The following CFAP61 variants were observed in gnomAD, a reference collection of about 807,000 sequenced individuals.
CFAP61 encodes cilia- and flagella-associated protein 61.
In CFAP61, 107 loss-of-function variants were observed where a neutral mutation model predicts 135.6. The ratio of observed to expected loss-of-function variants is 0.79; its 90% CI spans 0.67 to 0.93. The LOEUF is 0.93. Ranked by LOEUF, CFAP61 falls within the 40% of genes least tolerant of loss-of-function variation. The pLI is 0.00. For synonymous variants in CFAP61, 575 were observed against 578.5 expected (o/e 0.99, Z 0.09); for missense variants, 1,507 against 1,556.2 (o/e 0.97, Z 0.53).
rs201326875 is a variant in CFAP61 at position 20,328,584 on chromosome 20, C to CA, written c.3423-13238dup. On this transcript the variant is annotated intron_variant, in intron 25 of 26. Coordinates refer to ENST00000245957, the MANE Select transcript of CFAP61 (RefSeq NM_015585.4). ...TTCTGCACAACAAAGGAAACAATTT[C>CA]AAAAAAAAAGGCAACCTATGAAATG... Among the ~76,000 whole-genome samples the CA allele has an allele frequency of 7.6e-4, 113 of 149,192 alleles. 3 individuals are homozygous for CA. Among genetic ancestry groups the CA allele is most frequent in the African/African-American group, 2.3e-3 (94 of 40,670 alleles).
At chr20:20,260,335 C>T (rs899740496) in intron 20 of CFAP61, among the ~76,000 whole-genome samples, 2 of 152,212 alleles carry the variant, frequency 1.3e-5, no homozygotes, top group African/African-American at 4.8e-5. Flanking sequence ...CTGCTAGAAG[C>T]TTCCATTCAA....
intron 18 of CFAP61, among the ~76,000 whole-genome samples, chr20:20,231,061 C>T (rs1485565889): frequency 1.3e-5 from 2 of 152,162 alleles, no homozygotes; most frequent in African/African-American, 2.4e-5. Context: ...CTTCAAAGGA[C>T]ACCAAAAGCA....
chr20:20,133,142 T>G (rs373256345), intron 8 of CFAP61, among the ~76,000 whole-genome samples: 2 of 152,356 alleles, frequency 1.3e-5, no homozygotes. Context: ...AGAATCAGCC[T>G]CAAGATTTTG....
At chr20:20,225,562 C>T (rs558265872) in intron 17 of CFAP61, 24 of 152,220 alleles carry the variant, frequency 1.6e-4, no homozygotes, top group East Asian at 1.4e-3. Context: ...CTTTGTATCA[C>T]GGATAGAGGA....
chr20:20,302,108 T>C (rs1344605291), intron 25 of CFAP61, among the ~76,000 whole-genome samples: 1 of 152,232 alleles, frequency 6.6e-6, no homozygotes, highest in Non-Finnish European at 1.5e-5. Flanking sequence ...CAACTTTTGT[T>C]TGATATGATC....
chr20:20,265,598 G>A (rs1286741272), intron 21 of CFAP61: 3 of 727,118 alleles, frequency 4.1e-6, no homozygotes, highest in Non-Finnish European at 7.6e-6. Context: ...GAAGTATGTG[G>A]AAATTAGTTT....
intron 9 of CFAP61, among the ~76,000 whole-genome samples, chr20:20,156,318 C>T (rs1056729843): frequency 6.6e-6 from 1 of 152,112 alleles, no homozygotes; most frequent in Non-Finnish European, 1.5e-5. Context: ...ATGTTTATCT[C>T]ATAAATATAT....
At position 20,211,140 on chromosome 20, in the gene CFAP61, C is replaced by G. The variant is rs529193914; in HGVS notation, c.1932+11238C>G. On this transcript the variant is annotated intron_variant, in intron 17 of 26. Transcript: ENST00000245957. ...GAGTTTGGTTATCTTTATTTGCACA[C>G]TCATCAAATCCAGAGGGAAAATGGC... 5.9e-5 allele frequency among the ~76,000 whole-genome samples: 9 copies of G among 152,294 alleles called. No individual in the cohort carries two copies. The South Asian group carries it at 1.7e-3, about 28-fold the overall frequency.
chr20:20,119,588 T>A (rs1344280196), intron 8 of CFAP61, among the ~76,000 whole-genome samples: 1 of 152,206 alleles, frequency 6.6e-6, no homozygotes, highest in African/African-American at 2.4e-5. Flanking sequence ...TATTTTTTGG[T>A]CTCAATTTCA....
chr20:20,247,486 C>T (rs2050552848), intron 19 of CFAP61, among the ~76,000 whole-genome samples: 1 of 152,208 alleles, frequency 6.6e-6, no homozygotes, highest in Non-Finnish European at 1.5e-5. Context: ...TGGCTCAGAT[C>T]ACATCGCCTC....
At chr20:20,329,792 G>A (rs2057913461) in intron 25 of CFAP61, among the ~76,000 whole-genome samples, 1 of 152,212 alleles carries the variant, frequency 6.6e-6, no homozygotes, top group Admixed American at 6.5e-5. Context: ...CCCGGGCCTG[G>A]TTTCCCTTGC....
chr20:20,067,865 G>C (rs1319289934), intron 2 of CFAP61, among the ~76,000 whole-genome samples: 4 of 149,126 alleles, frequency 2.7e-5, no homozygotes, highest in Admixed American at 6.8e-5. Flanking sequence ...CTGTGCTATG[G>C]GGGACCTAGT....
chr20:20,062,819 G>T (rs963829038), intron 2 of CFAP61, among the ~76,000 whole-genome samples: 1 of 152,112 alleles, frequency 6.6e-6, no homozygotes, highest in African/African-American at 2.4e-5. Context: ...CACCCACAAG[G>T]GCTGGAGAGA....
chr20:20,250,073 C>T (rs894193416), intron 19 of CFAP61, among the ~76,000 whole-genome samples: 4 of 152,136 alleles, frequency 2.6e-5, no homozygotes, highest in Non-Finnish European at 5.9e-5. Context: ...TTTCACAGAG[C>T]CCTTTCACAG....
chr20:20,211,757 T>C (rs191345174), intron 17 of CFAP61, among the ~76,000 whole-genome samples: 1 of 152,332 alleles, frequency 6.6e-6, no homozygotes, highest in East Asian at 1.9e-4. Context: ...GCATTGAAAT[T>C]ATCACCATGG....
chr20:20,234,799 G>C (rs112150632), intron 18 of CFAP61, among the ~76,000 whole-genome samples: 18 of 152,224 alleles, frequency 1.2e-4, no homozygotes, highest in African/African-American at 3.9e-4. Flanking sequence ...CAGAAGCGAC[G>C]GTGGAGTGGA....
At chr20:20,211,182 G>A (rs1445514494) in intron 17 of CFAP61, among the ~76,000 whole-genome samples, 1 of 152,194 alleles carries the variant, frequency 6.6e-6, no homozygotes, top group African/African-American at 2.4e-5. Context: ...GTTCATCAGA[G>A]GCAGAGGATT....
rs750316373 is a variant in CFAP61, at chr20:20,164,151, C to G, written c.1128C>G (p.His376Gln). 1.2e-6 allele frequency: 2 copies of G among 1,614,174 alleles called. No homozygotes were observed. Among genetic ancestry groups the G allele is most frequent in the East Asian group, 4.5e-5 (2 of 44,884 alleles). ...ASLVLPEEPV[H>Q]FRPIYRGASA... ...TCGTACTGCCTGAAGAGCCCGTCCA[C>G]TTCCGCCCCATCTACAGGGGAGCCT... Residue 376 changes from histidine (H) to glutamine (Q), a missense_variant, in exon 11 of 27, where the codon CAC becomes CAG. His to Gln is a conservative substitution (Grantham distance 24). Coordinates refer to ENST00000245957, the MANE Select transcript of CFAP61 (RefSeq NM_015585.4).
intron 13 of CFAP61, chr20:20,171,970 C>G (rs555843938): frequency 3.0e-5 from 14 of 467,542 alleles, no homozygotes; most frequent in African/African-American, 2.0e-4. Flanking sequence ...GAAGCACTTT[C>G]CTCTTAGGGG....
Sources: gnomAD v4.1 joint callset for allele counts (sites outside exome capture counted in the v4.1 genomes callset) on GRCh38, gnomAD v4.1.1 for gene constraint, MANE v1.5 for transcripts, NCBI Gene and HGNC (gene_info 2026-07-23, HGNC 2026-07-21) for gene names.